Variants in FAM216A observed in about 807,000 individuals in gnomAD.
FAM216A encodes the protein protein FAM216A.
FAM216A carries 26 observed loss-of-function variants against 37.6 expected under a neutral mutation model. That is an observed-to-expected ratio of 0.69 (90% CI 0.51 to 0.96). The LOEUF is 0.96. FAM216A is among the 40% of genes least tolerant of loss of function. The probability of loss-of-function intolerance (pLI) is 0.00; values close to 1 mark genes in which losing one functional copy is unlikely to be tolerated. For missense variants in FAM216A, 326 were observed against 339.3 expected, an observed-to-expected ratio of 0.96 and a Z score of 0.31; for synonymous variants, 110 against 121.7, an observed-to-expected ratio of 0.90 and a Z score of 0.64.
chr12:110,480,852 C>T (rs572084380), intron 2 of FAM216A, among the ~76,000 whole-genome samples: 1 of 151,968 alleles, frequency 6.6e-6, no homozygotes, highest in Non-Finnish European at 1.5e-5. Context: ...GCCTGGGCAA[C>T]ATAAAATTAA....
At chr12:110,470,094 A>G (rs1396885946) in intron 1 of FAM216A, among the ~76,000 whole-genome samples, 1 of 147,074 alleles carries the variant, frequency 6.8e-6, no homozygotes, top group Non-Finnish European at 1.5e-5. Flanking sequence ...ACCCATGGCC[A>G]TCCTTTTTGT....
At chr12:110,472,633 A>G (rs1288332662) in intron 1 of FAM216A, among the ~76,000 whole-genome samples, 1 of 151,320 alleles carries the variant, frequency 6.6e-6, no homozygotes, top group Non-Finnish European at 1.5e-5. Context: ...GTAAGACATT[A>G]TTTCTGATGG....
chr12:110,480,868 G>A (rs73191817), intron 2 of FAM216A, among the ~76,000 whole-genome samples: 21,943 of 151,592 alleles, frequency 0.14, 2,196 homozygotes, highest in African/African-American at 0.28. Context: ...ATTAACTTTA[G>A]TTTTTTTTGT....
At chr12:110,485,968 T>C (rs1192615207) in intron 3 of FAM216A, among the ~76,000 whole-genome samples, 5 of 152,156 alleles carry the variant, frequency 3.3e-5, no homozygotes, top group Non-Finnish European at 7.3e-5. Flanking sequence ...TTGGATTGAT[T>C]TTAGGTACCA....
At chr12:110,481,888 G>A (rs2062749060) in intron 2 of FAM216A, among the ~76,000 whole-genome samples, 1 of 152,068 alleles carries the variant, frequency 6.6e-6, no homozygotes, top group Non-Finnish European at 1.5e-5. Context: ...CAGATTATAA[G>A]TTATGTTTCA....
At chr12:110,480,516 A>G (rs1467612262) in intron 2 of FAM216A, among the ~76,000 whole-genome samples, 1 of 151,522 alleles carries the variant, frequency 6.6e-6, no homozygotes, top group Non-Finnish European at 1.5e-5. Flanking sequence ...GGGTTTCACC[A>G]TGTAGGCCAG....
Position 110,486,546 on chromosome 12 carries a change from A to C in FAM216A, c.449A>C (p.His150Pro). 6.2e-7 allele frequency: 1 copy of C among 1,613,370 alleles called. No homozygotes were observed. Among genetic ancestry groups the C allele is most frequent in the South Asian group, 1.1e-5 (1 of 91,038 alleles). The part of the protein sequence containing the change: ...HSSQKPGVLT[H>P]HRSRLSSRYS... Reference sequence around the variant, plus strand: ...ATTTGTATCACAGGTGTCCTCACTCATCACAGAAGCCGCCTTAGCTCCCGT... The same window carrying C: ...ATTTGTATCACAGGTGTCCTCACTCCTCACAGAAGCCGCCTTAGCTCCCGT... The change falls in exon 5 of 7, where the codon CAT becomes CCT. Residue 150 changes from histidine to proline, a missense_variant. His to Pro is a moderately conservative substitution (Grantham distance 77). Transcript: ENST00000377673.
Position 110,468,866 on chromosome 12 carries a change from C to T in FAM216A, c.-10C>T, listed in dbSNP as rs2062658422. ...CAGCAGCCTGACGCACGCGTGCTGT[C>T]GGGGGAGGGATGCTGGGACAGCTGC... On this transcript the variant is annotated 5_prime_UTR_variant, in exon 1 of 7. Transcript: ENST00000377673. 1 of 1,496,486 alleles carries T rather than the reference C, an allele frequency of 6.7e-7. No individual in the cohort carries two copies. The allele number at this position is 1,496,486 out of a possible 1,614,324, so 92.7% of individuals were successfully genotyped here. A position where few individuals can be genotyped will look rare whatever the true frequency, so the allele number is the denominator to read the frequency against.
intron 2 of FAM216A, among the ~76,000 whole-genome samples, chr12:110,477,893 G>T (rs567645915): frequency 6.6e-6 from 1 of 151,840 alleles, no homozygotes; most frequent in Admixed American, 6.6e-5. Context: ...ATTTTTAGTA[G>T]AGACGGGGTT....
In FAM216A at chr12:110,486,443, C is replaced by CA. The variant is rs771760766; in HGVS notation, c.426dup (p.Gln143ThrfsTer14). 1 of 1,611,920 alleles carries CA rather than the reference C, an allele frequency of 6.2e-7. No individual in the cohort carries two copies. The highest frequency in any genetic ancestry group is 8.5e-7 in the Non-Finnish European group (1 of 1,178,508). On this transcript the variant is annotated frameshift_variant, in exon 4 of 7. Coordinates refer to ENST00000377673, the MANE Select transcript of FAM216A (RefSeq NM_013300.3). LOFTEE classifies it high-confidence loss of function. ...TACATGCACGTACTTCAGCACAGCT[C>CA]ACAAAAGCCAGGCAGGTGCACCTCC...
intron 1 of FAM216A, among the ~76,000 whole-genome samples, chr12:110,471,847 C>T (rs2062688477): frequency 6.6e-6 from 1 of 152,152 alleles, no homozygotes; most frequent in South Asian, 2.1e-4. Context: ...GTTGTTTTGT[C>T]TTAAGTTTAG....
At chr12:110,483,218 G>A (rs183499685) in intron 2 of FAM216A, among the ~76,000 whole-genome samples, 9 of 151,882 alleles carry the variant, frequency 5.9e-5, no homozygotes, top group Non-Finnish European at 1.3e-4. Flanking sequence ...CAGCTACTCA[G>A]GAGGCTGAGG....
chr12:110,482,573 A>C (rs1018372571), intron 2 of FAM216A, among the ~76,000 whole-genome samples: 3 of 151,770 alleles, frequency 2.0e-5, no homozygotes, highest in Non-Finnish European at 4.4e-5. Flanking sequence ...AGGCGGTCAG[A>C]TCACAAGCTC....
rs543679201 is a variant in FAM216A, at chr12:110,483,100, C to T, written c.185-1978C>T. On this transcript the variant is annotated intron_variant, in intron 2 of 6. Transcript: ENST00000377673. ...CAGCACTTTGGGAGGCCAAGGCGGGCAGATCACGAGGTCAGGAGATCAAGA... is the reference window on the plus strand; with the variant it reads ...CAGCACTTTGGGAGGCCAAGGCGGGTAGATCACGAGGTCAGGAGATCAAGA... Among the ~76,000 whole-genome samples the T allele has an allele frequency of 3.0e-4, 46 of 152,018 alleles. 1 individual carries two copies. The South Asian group carries it at 9.2e-3, about 30-fold the overall frequency.
chr12:110,490,316 T>C lies in FAM216A; in HGVS notation c.*179T>C, dbSNP rs1383747650. 1.7e-6 allele frequency: 1 copy of C among 587,446 alleles called. No individual in the cohort carries two copies. The allele number at this position is 587,446 out of a possible 1,614,324, so 36.4% of individuals were successfully genotyped here. ...GTTCCATGTACCAATGATAGTTATG[T>C]AAGAAAATTTACATGTAACATATAC... is the stretch of plus-strand genomic sequence containing the variant. On this transcript the variant is annotated 3_prime_UTR_variant, in exon 7 of 7. Transcript: ENST00000377673.
intron 6 of FAM216A, 138 bp from the exon 7 acceptor site, chr12:110,489,881 T>C (rs780841417): frequency 3.5e-6 from 2 of 579,060 alleles, no homozygotes; most frequent in Non-Finnish European, 6.1e-6. Context: ...GGGGGAAGGA[T>C]GAGGTGACTA....
chr12:110,468,478 A>C, upstream of FAM216A: 1 of 1,537,166 alleles, frequency 6.5e-7, no homozygotes, highest in African/African-American at 1.4e-5. Flanking sequence ...ATACCTGAGT[A>C]ATAACGGACA....
At chr12:110,483,739 A>G (rs1276815695) in intron 2 of FAM216A, among the ~76,000 whole-genome samples, 7 of 152,058 alleles carry the variant, frequency 4.6e-5, no homozygotes, top group Admixed American at 3.9e-4. Context: ...AATCGCTTGA[A>G]CCTGGGAGGT....
upstream of FAM216A, chr12:110,468,820 C>G (rs2062657896): frequency 6.8e-6 from 10 of 1,461,418 alleles, no homozygotes; most frequent in Non-Finnish European, 9.0e-6. Context: ...AGCCAGCATC[C>G]GAGCCGCCTC....
Sources: allele counts gnomAD v4.1 joint callset (sites outside exome capture counted in the v4.1 genomes callset), GRCh38; gene constraint gnomAD v4.1.1; transcripts MANE v1.5; gene names NCBI Gene and HGNC (gene_info 2026-07-23, HGNC 2026-07-21).